Variants in PRICKLE1 observed in about 807,000 individuals in gnomAD.
PRICKLE1 encodes prickle planar cell polarity protein 1, also known as prickle-like protein 1.
In PRICKLE1, 14 loss-of-function variants were observed where a neutral mutation model predicts 70.2. The ratio of observed to expected loss-of-function variants is 0.20; its 90% CI spans 0.13 to 0.31. The LOEUF (loss-of-function observed/expected upper bound fraction) is 0.31. Ranked by LOEUF, PRICKLE1 falls within the 10% of genes least tolerant of loss-of-function variation. The pLI, the probability that PRICKLE1 is intolerant of heterozygous loss-of-function variation, is 1.00. For missense variants in PRICKLE1, 821 were observed against 1,026.2 expected (o/e 0.80, Z 2.73); for synonymous variants, 357 against 379.9 (o/e 0.94, Z 0.70).
At position 42,575,710 on chromosome 12, in the gene PRICKLE1, A is replaced by T. The variant is rs142771625; in HGVS notation, c.-49+13755T>A. ...CTCCATCTCAAAAAAAAATAAAAAA[A>T]AAAATAAAAAACTTGCAATTCACTA... On this transcript the variant is annotated intron_variant, in intron 1 of 7. Coordinates refer to ENST00000345127, the MANE Select transcript of PRICKLE1 (RefSeq NM_153026.3). Among the ~76,000 whole-genome samples, 302 of 152,268 alleles carry T rather than the reference A, an allele frequency of 2.0e-3. 1 individual carries two copies. Among genetic ancestry groups the T allele is most frequent in the African/African-American group, 6.3e-3 (263 of 41,548 alleles).
At chr12:42,543,401 T>C (rs1401661684) in intron 1 of PRICKLE1, among the ~76,000 whole-genome samples, 2 of 151,528 alleles carry the variant, frequency 1.3e-5, no homozygotes, top group African/African-American at 4.8e-5. Flanking sequence ...TCTCACTATG[T>C]TGCCCAGGCT....
At chr12:42,512,948 G>A (rs1939540600) in intron 1 of PRICKLE1, among the ~76,000 whole-genome samples, 1 of 93,878 alleles carries the variant, frequency 1.1e-5, no homozygotes, top group South Asian at 3.9e-4. Context: ...TTTGCCCTAA[G>A]GCATTATTAT....
intron 1 of PRICKLE1, among the ~76,000 whole-genome samples, chr12:42,513,554 T>A (rs980006850): frequency 2.7e-5 from 4 of 150,168 alleles, no homozygotes; most frequent in African/African-American, 9.9e-5. Context: ...CATAGCAAGA[T>A]GCTGTTGGGC....
At chr12:42,509,871 G>A (rs886552416) in intron 1 of PRICKLE1, among the ~76,000 whole-genome samples, 3 of 151,818 alleles carry the variant, frequency 2.0e-5, no homozygotes, top group East Asian at 2.0e-4. Flanking sequence ...CCAGGAGTTC[G>A]AGACCAGCCT....
rs574528171 is a variant in PRICKLE1 at position 42,539,133 on chromosome 12, T to C, written c.-49+50332A>G. 2.9e-4 allele frequency among the ~76,000 whole-genome samples: 44 copies of C among 152,212 alleles called. 1 individual carries two copies. The highest frequency in any genetic ancestry group is 1.0e-3 in the African/African-American group (43 of 41,518). On this transcript the variant is annotated intron_variant, in intron 1 of 7. Transcript: ENST00000345127. Reference sequence around the variant, plus strand: ...AAGTACAAAAACTTGAACGTCAAAGTTCTGTCTTGAAGTTAGAAAATGATT... The same window carrying C: ...AAGTACAAAAACTTGAACGTCAAAGCTCTGTCTTGAAGTTAGAAAATGATT...
At chr12:42,460,743 G>A in intron 7 of PRICKLE1, 78 bp from the exon 8 acceptor site, 1 of 1,533,238 alleles carries the variant, frequency 6.5e-7, no homozygotes, top group Non-Finnish European at 8.9e-7. Flanking sequence ...GCTACTGAAA[G>A]GAAATATTTC....
chr12:42,558,423 A>G (rs1940449288), intron 1 of PRICKLE1, among the ~76,000 whole-genome samples: 2 of 152,238 alleles, frequency 1.3e-5, no homozygotes, highest in South Asian at 4.1e-4. Flanking sequence ...AAAAGGCACA[A>G]TGTTTCCTAA....
intron 1 of PRICKLE1, among the ~76,000 whole-genome samples, chr12:42,584,075 T>C (rs1940947807): frequency 6.6e-6 from 1 of 152,180 alleles, no homozygotes; most frequent in Non-Finnish European, 1.5e-5. Flanking sequence ...GTTCAGAGAT[T>C]TCAAGCCCAC....
chr12:42,547,632 T>C lies in PRICKLE1; in HGVS notation c.-49+41833A>G, dbSNP rs117757251. 4.1e-3 allele frequency among the ~76,000 whole-genome samples: 625 copies of C among 152,356 alleles called. 9 individuals are homozygous for C. The South Asian group carries it at 0.043, about 10-fold the overall frequency. On this transcript the variant is annotated intron_variant, in intron 1 of 7. Transcript: ENST00000345127. ...TTTAAAGACTGAATGGGATAACGTA[T>C]ACTATGCTCAAATAATATGATCTAT...
intron 1 of PRICKLE1, among the ~76,000 whole-genome samples, chr12:42,517,174 C>T (rs1271617810): frequency 1.3e-5 from 2 of 152,066 alleles, no homozygotes; most frequent in African/African-American, 4.8e-5. Context: ...TTTCAGATTC[C>T]AAAGTTTTGT....
intron 1 of PRICKLE1, among the ~76,000 whole-genome samples, chr12:42,512,833 C>T (rs964614392): frequency 1.3e-5 from 2 of 152,024 alleles, no homozygotes; most frequent in Admixed American, 6.5e-5. Context: ...GATTTTGGCC[C>T]TAACTAGAGA....
chr12:42,458,616 C>T lies in PRICKLE1; in HGVS notation c.*1193G>A, dbSNP rs1937663971. ...CAGTTTTCAAAATTGCTGTTAAAGGCCAACAAATTAGTGGGAGGGAAGGAA... is the reference window on the plus strand; with the variant it reads ...CAGTTTTCAAAATTGCTGTTAAAGGTCAACAAATTAGTGGGAGGGAAGGAA... On this transcript the variant is annotated 3_prime_UTR_variant, in exon 8 of 8. Coordinates refer to ENST00000345127, the MANE Select transcript of PRICKLE1 (RefSeq NM_153026.3). The T allele has an allele frequency of 6.6e-6, 1 of 152,058 alleles. No homozygotes were observed. Among genetic ancestry groups the T allele is most frequent in the African/African-American group, 2.4e-5 (1 of 41,388 alleles). The allele number at this position is 152,058 out of a possible 1,614,324, so 9.4% of individuals were successfully genotyped here.
In PRICKLE1 at chr12:42,467,404, C is replaced by T. The variant is rs185069571; in HGVS notation, c.589-1024G>A. Among the ~76,000 whole-genome samples the T allele has an allele frequency of 2.9e-4, 44 of 150,504 alleles. 1 individual carries two copies. In the East Asian group the frequency reaches 8.2e-3, roughly 28 times the overall value. The stretch of plus-strand genomic sequence containing the variant: ...TGCTGGGATTACAGGCGTGAGCCAC[C>T]GAGCCCGGCAGGTTCTTTCATTTTT... On this transcript the variant is annotated intron_variant, in intron 5 of 7. Coordinates refer to ENST00000345127, the MANE Select transcript of PRICKLE1 (RefSeq NM_153026.3).
intron 1 of PRICKLE1, among the ~76,000 whole-genome samples, chr12:42,489,440 A>C (rs1939050972): frequency 6.6e-6 from 1 of 150,748 alleles, no homozygotes; most frequent in South Asian, 2.1e-4. Context: ...TGGGCAGATC[A>C]CTTGAGGTGA....
At chr12:42,485,220 A>T (rs1376216795) in intron 1 of PRICKLE1, 1 of 150,674 alleles carries the variant, frequency 6.6e-6, no homozygotes, top group Non-Finnish European at 1.5e-5. Flanking sequence ...TCTCAGCTAC[A>T]AAGTAAGGCA....
At chr12:42,586,123 AAAC>A (rs1940983670) in intron 1 of PRICKLE1, among the ~76,000 whole-genome samples, 1 of 152,202 alleles carries the variant, frequency 6.6e-6, no homozygotes, top group Admixed American at 6.5e-5. Context: ...TGGTCCCTTA[AAAC>A]ACCAATCGAC....
chr12:42,495,456 C>T (rs988957150), intron 1 of PRICKLE1, among the ~76,000 whole-genome samples: 10 of 151,264 alleles, frequency 6.6e-5, no homozygotes, highest in African/African-American at 2.4e-4. Flanking sequence ...AGGCTGGTCT[C>T]AAACTCCTGG....
At chr12:42,528,878 G>C (rs80162155) in intron 1 of PRICKLE1, among the ~76,000 whole-genome samples, 6,019 of 152,252 alleles carry the variant, frequency 0.04, 172 homozygotes, top group Middle Eastern at 0.075. Context: ...AGACTACACA[G>C]CTTCTCTATC....
intron 1 of PRICKLE1, among the ~76,000 whole-genome samples, chr12:42,540,459 A>G (rs182955689): frequency 4.7e-4 from 71 of 152,362 alleles, no homozygotes; most frequent in Middle Eastern, 6.8e-3. Context: ...TATGGCACTT[A>G]TAGTAAACAA....
Sources: gnomAD v4.1 joint callset for allele counts (sites outside exome capture counted in the v4.1 genomes callset) on GRCh38, gnomAD v4.1.1 for gene constraint, MANE v1.5 for transcripts, NCBI Gene and HGNC (gene_info 2026-07-23, HGNC 2026-07-21) for gene names.